Variants in YIPF6 observed in about 807,000 individuals in gnomAD.
YIPF6 encodes the protein Yip1 domain family member 6.
A neutral mutation model predicts 16.8 loss-of-function variants in YIPF6; 3 were observed. The ratio of observed to expected loss-of-function variants is 0.18; its 90% CI spans 0.08 to 0.46. YIPF6 has a LOEUF of 0.46. Among genes scored for constraint, YIPF6 ranks in the 20% least tolerant of loss-of-function variants. The pLI is 0.98. For synonymous variants in YIPF6, 67 were observed against 61.9 expected (o/e 1.08, Z -0.38); for missense variants, 145 against 184.9 (o/e 0.78, Z 1.25).
intron 1 of YIPF6, among the ~76,000 whole-genome samples, chrX:68,508,572 C>T (rs2079068577): frequency 9.0e-6 from 1 of 111,552 alleles, no homozygotes; most frequent in Admixed American, 9.6e-5. Flanking sequence ...TGACCTAGCT[C>T]TGAATTCTTT....
intron 6 of YIPF6, among the ~76,000 whole-genome samples, chrX:68,526,667 A>G (rs1288019381): frequency 1.8e-5 from 2 of 111,772 alleles, no homozygotes; most frequent in African/African-American, 6.5e-5. Flanking sequence ...TAGTTTATTG[A>G]GAGTTTTTAG....
Position 68,508,468 on chromosome X carries a change from C to T in YIPF6, c.58-3381C>T, listed in dbSNP as rs749567226. 5.4e-5 allele frequency among the ~76,000 whole-genome samples: 6 copies of T among 111,512 alleles called. No individual in the cohort carries two copies. In the South Asian group the frequency reaches 2.2e-3, roughly 42 times the overall value. ...ATTCCAATTATTTACATAATAAGACCATTTAATGTTTTCCCATAGTTCCTA... is the reference window on the plus strand; with the variant it reads ...ATTCCAATTATTTACATAATAAGACTATTTAATGTTTTCCCATAGTTCCTA... On this transcript the variant is annotated intron_variant, in intron 1 of 6. Transcript: ENST00000462683.
At chrX:68,513,305 A>G (rs1313629400) in intron 2 of YIPF6, 22 bp from the exon 3 acceptor site, 2 of 1,187,449 alleles carry the variant, frequency 1.7e-6, no homozygotes, top group South Asian at 1.9e-5. Flanking sequence ...TCACAATACA[A>G]CAAGTTGTTT....
chrX:68,524,102 G>A (rs988819024), intron 6 of YIPF6, among the ~76,000 whole-genome samples: 1 of 111,678 alleles, frequency 9.0e-6, no homozygotes, highest in South Asian at 3.7e-4. Flanking sequence ...GTGGGAAATG[G>A]AGATTTATAC....
In YIPF6 at chrX:68,533,591, G is replaced by A. The variant is rs930687939; in HGVS notation, c.*1592G>A. ...AGCCAAGTGAATACAGGGCCAAATG[G>A]GTTCTTGGAATGATAATAACAAAGC... is the stretch of plus-strand genomic sequence containing the variant. On this transcript the variant is annotated 3_prime_UTR_variant, in exon 7 of 7. Transcript: ENST00000462683. The A allele has an allele frequency of 9.0e-6, 1 of 111,598 alleles. No individual in the cohort carries two copies. Among genetic ancestry groups the A allele is most frequent in the Non-Finnish European group, 1.9e-5 (1 of 53,068 alleles). The allele number at this position is 111,598 out of a possible 1,213,427, so 9.2% of individuals were successfully genotyped here.
Position 68,522,741 on chromosome X carries a change from A to C in YIPF6, c.435-19A>C. 1 of 1,185,186 alleles carries C rather than the reference A, an allele frequency of 8.4e-7. No homozygotes were observed. Among genetic ancestry groups the C allele is most frequent in the Non-Finnish European group, 1.1e-6 (1 of 882,350 alleles). ...ATCAGTTGTATTTATGATCTTTATT[A>C]ATGTATTTTGTTTTTAAGATCTTTT... On this transcript the variant is annotated intron_variant, in intron 5 of 6. Transcript: ENST00000462683.
chrX:68,506,509 G>A (rs944852180), intron 1 of YIPF6, among the ~76,000 whole-genome samples: 4 of 110,072 alleles, frequency 3.6e-5, no homozygotes, highest in Non-Finnish European at 7.6e-5. Context: ...AGATCAGCCT[G>A]GGCAACATGA....
chrX:68,524,332 T>A (rs2079138688), intron 6 of YIPF6, among the ~76,000 whole-genome samples: 1 of 109,350 alleles, frequency 9.1e-6, no homozygotes, highest in African/African-American at 3.3e-5. Context: ...CCACATCCGA[T>A]TAATGTTTGT....
intron 6 of YIPF6, among the ~76,000 whole-genome samples, chrX:68,523,282 T>G (rs914432581): frequency 4.5e-5 from 5 of 112,034 alleles, no homozygotes; most frequent in Non-Finnish European, 9.4e-5. Context: ...ATTTACAGAT[T>G]GCTTATCAAA....
At chrX:68,525,837 G>A (rs1050844162) in intron 6 of YIPF6, among the ~76,000 whole-genome samples, 15 of 111,178 alleles carry the variant, frequency 1.3e-4, no homozygotes, top group Non-Finnish European at 2.3e-4. Context: ...CTGTTCCATC[G>A]GTCTATATAT....
chrX:68,500,822 G>A (rs1052436512), intron 1 of YIPF6, among the ~76,000 whole-genome samples: 3 of 111,832 alleles, frequency 2.7e-5, no homozygotes, highest in Admixed American at 1.9e-4. Flanking sequence ...GTTGTGTTAA[G>A]TTCTATCGTG....
intron 6 of YIPF6, among the ~76,000 whole-genome samples, chrX:68,525,257 CAT>C (rs753841337): frequency 8.9e-6 from 1 of 112,290 alleles, no homozygotes; most frequent in South Asian, 3.7e-4. Context: ...AGCTTTTATT[CAT>C]ATGTTTGTTG....
chrX:68,530,014 C>T (rs998068062), intron 6 of YIPF6, among the ~76,000 whole-genome samples: 2 of 112,102 alleles, frequency 1.8e-5, no homozygotes, highest in African/African-American at 3.2e-5. Flanking sequence ...GTGCGCTGCT[C>T]TCTTCAGAGC....
In YIPF6 at chrX:68,508,052, G is replaced by T. The variant is rs1002578986; in HGVS notation, c.58-3797G>T. ...TGTCCTTTGGTATTCATCTTGATTG[G>T]GGTTCTCTTGGCTTGTATCTGTCAT... On this transcript the variant is annotated intron_variant, in intron 1 of 6. Transcript: ENST00000462683. 4.6e-5 allele frequency among the ~76,000 whole-genome samples: 5 copies of T among 109,544 alleles called. No homozygotes were observed. In the Admixed American group the frequency reaches 4.9e-4, roughly 11 times the overall value.
chrX:68,502,982 AC>A (rs34289645), intron 1 of YIPF6, among the ~76,000 whole-genome samples: 2 of 110,882 alleles, frequency 1.8e-5, no homozygotes, highest in Non-Finnish European at 3.8e-5. Context: ...GGCATGCACC[AC>A]CATGTGCAGC....
intron 6 of YIPF6, among the ~76,000 whole-genome samples, chrX:68,530,081 A>G (rs1408284713): frequency 8.9e-6 from 1 of 111,969 alleles, no homozygotes; most frequent in Non-Finnish European, 1.9e-5. Flanking sequence ...TCCATCCCCC[A>G]GGTGCTCTGT....
chrX:68,519,774 T>A (rs986702858), intron 4 of YIPF6, among the ~76,000 whole-genome samples: 1 of 111,862 alleles, frequency 8.9e-6, no homozygotes, highest in Non-Finnish European at 1.9e-5. Context: ...TTTTTAAATT[T>A]AAATTGAGCA....
chrX:68,532,046 A>G lies in YIPF6; in HGVS notation c.*47A>G, dbSNP rs1254167664. ...ACCAGTGAATTGAAAGCACATCTGA[A>G]AGATGCAATTCACCATGGAGCTTTG... is the stretch of plus-strand genomic sequence containing the variant. On this transcript the variant is annotated 3_prime_UTR_variant, in exon 7 of 7. Transcript: ENST00000462683. The G allele has an allele frequency of 3.1e-6, 3 of 974,858 alleles. No individual in the cohort carries two copies. In the South Asian group the frequency reaches 6.3e-5, roughly 20 times the overall value. 80.3% of individuals were successfully genotyped at this position (974,858 alleles called of 1,213,427 possible).
At chrX:68,526,732 CAT>C (rs2079149976) in intron 6 of YIPF6, among the ~76,000 whole-genome samples, 1 of 111,851 alleles carries the variant, frequency 8.9e-6, no homozygotes, top group Admixed American at 9.5e-5. Flanking sequence ...TTGAGATAAT[CAT>C]GTGGTTTTTG....
Sources: gnomAD v4.1 joint callset for allele counts (sites outside exome capture counted in the v4.1 genomes callset) on GRCh38, gnomAD v4.1.1 for gene constraint, MANE v1.5 for transcripts, NCBI Gene and HGNC (gene_info 2026-07-23, HGNC 2026-07-21) for gene names.